The following BTRC variants were observed in gnomAD, a reference collection of about 807,000 sequenced individuals.
The protein encoded by BTRC is beta-transducin repeat containing E3 ubiquitin protein ligase.
Under a neutral mutation model 85.5 loss-of-function variants are expected in BTRC, and 42 were observed. The observed-to-expected ratio is 0.49, with a 90% CI of 0.38 to 0.64. BTRC has a LOEUF of 0.64. BTRC is among the 30% of genes least tolerant of loss of function. The pLI, the probability that BTRC is intolerant of heterozygous loss-of-function variation, is 0.00. For synonymous variants in BTRC, 255 were observed against 263.3 expected (o/e 0.97, Z 0.30); for missense variants, 594 against 743.5 (o/e 0.80, Z 2.34).
chr10:101,479,861 T>G (rs1945789917), intron 4 of BTRC, among the ~76,000 whole-genome samples: 2 of 152,342 alleles, frequency 1.3e-5, no homozygotes, highest in South Asian at 4.1e-4. Flanking sequence ...ATATCACTAT[T>G]ATTATTTATT....
intron 3 of BTRC, among the ~76,000 whole-genome samples, chr10:101,466,847 C>G (rs1945385527): frequency 6.6e-6 from 1 of 152,018 alleles, no homozygotes; most frequent in African/African-American, 2.4e-5. Context: ...TACCATATTC[C>G]CCTCCCCTGA....
At chr10:101,485,538 A>C (rs1277132033) in intron 4 of BTRC, among the ~76,000 whole-genome samples, 1 of 152,248 alleles carries the variant, frequency 6.6e-6, no homozygotes, top group Non-Finnish European at 1.5e-5. Context: ...TAACAAAGCC[A>C]TTCCAAGGCA....
intron 13 of BTRC, among the ~76,000 whole-genome samples, chr10:101,541,124 A>G (rs2062458916): frequency 1.3e-5 from 2 of 150,132 alleles, no homozygotes; most frequent in South Asian, 4.2e-4. Flanking sequence ...TGCACTGGCT[A>G]AGACCTCCAG....
intron 8 of BTRC, 124 bp downstream of exon 8, chr10:101,532,556 C>G (rs1293022834): frequency 1.5e-6 from 2 of 1,303,770 alleles, no homozygotes; most frequent in Middle Eastern, 2.0e-4. Flanking sequence ...TAGATTGTTT[C>G]CAGTCCCAAA....
intron 4 of BTRC, among the ~76,000 whole-genome samples, chr10:101,521,389 AT>A (rs1330050941): frequency 6.6e-6 from 1 of 152,214 alleles, no homozygotes; most frequent in Non-Finnish European, 1.5e-5. Context: ...TTTGGTTTTT[AT>A]TTGTGTATCT....
Position 101,489,815 on chromosome 10 carries a change from A to G in BTRC, c.324+10358A>G, listed in dbSNP as rs1946082833. On this transcript the variant is annotated intron_variant, in intron 4 of 14. Transcript: ENST00000370187. ...AGATTTGTTTCTTAAGATTAGCATT[A>G]AAATAGACATCCTGTTTTTGAAGGC... 2.0e-5 allele frequency among the ~76,000 whole-genome samples: 3 copies of G among 152,218 alleles called. No individual in the cohort carries two copies. In the South Asian group the frequency reaches 6.2e-4, roughly 31 times the overall value.
intron 1 of BTRC, among the ~76,000 whole-genome samples, chr10:101,417,170 T>C (rs1943968199): frequency 6.6e-6 from 1 of 152,218 alleles, no homozygotes; most frequent in African/African-American, 2.4e-5. Flanking sequence ...TTTTGTCATC[T>C]AATCCACAGA....
intron 4 of BTRC, among the ~76,000 whole-genome samples, chr10:101,495,493 G>C (rs1946236130): frequency 6.6e-6 from 1 of 152,182 alleles, no homozygotes. Context: ...AGCTCTGTAA[G>C]GGCCTGTGGT....
intron 4 of BTRC, among the ~76,000 whole-genome samples, chr10:101,513,268 C>G (rs2061979777): frequency 6.6e-6 from 1 of 152,108 alleles, no homozygotes; most frequent in Non-Finnish European, 1.5e-5. Context: ...AGTAGGAATA[C>G]TGTACTCTTA....
rs1475643287 is a variant in BTRC, at chr10:101,354,201, G to C, written c.21G>C (p.Val7=). The C allele has an allele frequency of 1.8e-5, 28 of 1,549,230 alleles. No homozygotes were observed. The highest frequency in any genetic ancestry group is 2.0e-5 in the Non-Finnish European group (23 of 1,146,696). The part of the protein sequence containing the change: MDPAEA[V]LQEKALKFMC... ...CGATTATGGACCCGGCCGAGGCGGTGCTGCAAGAGAAGGCACTCAAGTTTA... is the reference window on the plus strand; with the variant it reads ...CGATTATGGACCCGGCCGAGGCGGTCCTGCAAGAGAAGGCACTCAAGTTTA... The change falls in exon 1 of 15, where the codon GTG becomes GTC. Residue 7 remains valine (V), a synonymous_variant. Coordinates refer to ENST00000370187, the MANE Select transcript of BTRC (RefSeq NM_033637.4).
intron 1 of BTRC, among the ~76,000 whole-genome samples, chr10:101,393,290 A>G (rs1341540160): frequency 6.6e-6 from 1 of 152,172 alleles, no homozygotes; most frequent in Non-Finnish European, 1.5e-5. Flanking sequence ...ACCAGCAGAT[A>G]TAAGTAAGTG....
At chr10:101,506,154 TC>T in intron 4 of BTRC, among the ~76,000 whole-genome samples, 1 of 152,290 alleles carries the variant, frequency 6.6e-6, no homozygotes, top group East Asian at 1.9e-4. Flanking sequence ...CCTCAGGTGA[TC>T]CGCCGCCTCA....
At chr10:101,415,790 C>G (rs1943929505) in intron 1 of BTRC, among the ~76,000 whole-genome samples, 1 of 152,080 alleles carries the variant, frequency 6.6e-6, no homozygotes. Flanking sequence ...ATCTGCCCGC[C>G]TCAGCCTCCC....
chr10:101,539,300 A>G (rs1314393390), intron 13 of BTRC, among the ~76,000 whole-genome samples: 2 of 152,250 alleles, frequency 1.3e-5, no homozygotes, highest in Non-Finnish European at 2.9e-5. Flanking sequence ...TTGGAGCAAC[A>G]GGGTGGACAG....
At chr10:101,399,816 T>C (rs1943452207) in intron 1 of BTRC, among the ~76,000 whole-genome samples, 1 of 152,212 alleles carries the variant, frequency 6.6e-6, no homozygotes, top group South Asian at 2.1e-4. Context: ...GAAGATCAGG[T>C]ACTTTATTTT....
At chr10:101,471,155 T>A (rs1179393260) in intron 3 of BTRC, among the ~76,000 whole-genome samples, 1 of 152,236 alleles carries the variant, frequency 6.6e-6, no homozygotes, top group African/African-American at 2.4e-5. Context: ...TTTGTTGTTT[T>A]ATTTTTTGTT....
intron 4 of BTRC, among the ~76,000 whole-genome samples, chr10:101,520,029 A>G (rs561673279): frequency 3.9e-5 from 6 of 152,326 alleles, no homozygotes; most frequent in Admixed American, 1.3e-4. Context: ...CTTGGGGACC[A>G]TCTTAGAATT....
chr10:101,430,546 A>G (rs2134081470), intron 2 of BTRC, 94 bp downstream of exon 2: 1 of 956,336 alleles, frequency 1.0e-6, no homozygotes, highest in South Asian at 1.5e-5. Context: ...CTTTACTTAT[A>G]TTCATCTTTT....
At chr10:101,360,188 G>T (rs1942159630) in intron 1 of BTRC, among the ~76,000 whole-genome samples, 1 of 151,958 alleles carries the variant, frequency 6.6e-6, no homozygotes, top group Non-Finnish European at 1.5e-5. Context: ...CCAGGTAGCT[G>T]GGAATACAGG....
Sources: allele counts gnomAD v4.1 joint callset (sites outside exome capture counted in the v4.1 genomes callset), GRCh38; gene constraint gnomAD v4.1.1; transcripts MANE v1.5; gene names NCBI Gene and HGNC (gene_info 2026-07-23, HGNC 2026-07-21).